RHOJ: variants seen among roughly 807,000 people sequenced by gnomAD.
RHOJ encodes the protein ras homolog family member J, also known as rho-related GTP-binding protein RhoJ.
A neutral mutation model predicts 23.4 loss-of-function variants in RHOJ; 11 were observed. That is an observed-to-expected ratio of 0.47 (90% confidence interval 0.30 to 0.78). The LOEUF is 0.78. Ranked by LOEUF, RHOJ falls within the 30% of genes least tolerant of loss-of-function variation. The pLI is 0.08. For synonymous variants in RHOJ, 102 were observed against 102.7 expected (o/e 0.99, Z 0.04); for missense variants, 254 against 273.4 (o/e 0.93, Z 0.50).
chr14:63,241,591 A>G (rs1393016175), intron 1 of RHOJ, among the ~76,000 whole-genome samples: 1 of 152,152 alleles, frequency 6.6e-6, no homozygotes. Flanking sequence ...CTTGCAGATG[A>G]CAGGAACATC....
intron 1 of RHOJ, among the ~76,000 whole-genome samples, chr14:63,224,851 C>G (rs899255196): frequency 1.3e-5 from 2 of 152,148 alleles, no homozygotes; most frequent in Admixed American, 6.5e-5. Context: ...CCCAGCCCCT[C>G]GACCCCATCT....
chr14:63,206,932 A>G lies in RHOJ; in HGVS notation c.178+1885A>G, dbSNP rs184455439. On this transcript the variant is annotated intron_variant, in intron 1 of 4. Coordinates refer to ENST00000316754, the MANE Select transcript of RHOJ (RefSeq NM_020663.5). ...GTACACTTTGTACCTCTTTAAGTAT[A>G]TAATCGTCTCATGTGGTTTCAGTAA... Among the ~76,000 whole-genome samples, 74 of 152,350 alleles carry G rather than the reference A, an allele frequency of 4.9e-4. 1 individual carries two copies. In the East Asian group the frequency reaches 5.0e-3, roughly 10 times the overall value.
In RHOJ at chr14:63,291,795, A is replaced by AT. The variant is rs1882262881; in HGVS notation, c.*778dup. ...TCTATAGATGCTTAGTAGTGGCCTG[A>AT]TTTTTTTCCATGTATTGCCACGACA... On this transcript the variant is annotated 3_prime_UTR_variant, in exon 5 of 5. Transcript: ENST00000316754. 1 of 152,672 alleles carries AT rather than the reference A, an allele frequency of 6.5e-6. No homozygotes were observed. Among genetic ancestry groups the AT allele is most frequent in the Non-Finnish European group, 1.5e-5 (1 of 68,102 alleles). The allele number at this position is 152,672 out of a possible 1,614,324, so 9.5% of individuals were successfully genotyped here. A position where few individuals can be genotyped will look rare whatever the true frequency, so the allele number is the denominator to read the frequency against.
chr14:63,231,923 C>T (rs1894702892), intron 1 of RHOJ, among the ~76,000 whole-genome samples: 2 of 152,166 alleles, frequency 1.3e-5, no homozygotes, highest in Admixed American at 1.3e-4. Context: ...TGTCCACAAA[C>T]AAAACCAGTG....
chr14:63,230,752 A>C (rs1894677368), intron 1 of RHOJ, among the ~76,000 whole-genome samples: 1 of 151,876 alleles, frequency 6.6e-6, no homozygotes, highest in Non-Finnish European at 1.5e-5. Context: ...CTATTAAGAA[A>C]AGGGTGCCAT....
At chr14:63,230,578 G>A (rs981035827) in intron 1 of RHOJ, among the ~76,000 whole-genome samples, 1 of 151,894 alleles carries the variant, frequency 6.6e-6, no homozygotes. Context: ...CAAATGTCAC[G>A]TTAGCAGCAA....
intron 1 of RHOJ, among the ~76,000 whole-genome samples, chr14:63,221,987 A>C (rs1270737931): frequency 2.9e-5 from 3 of 103,278 alleles, no homozygotes; most frequent in Non-Finnish European, 1.8e-5. Flanking sequence ...CCCCACCCAA[A>C]AACAGGCCCC....
At chr14:63,244,521 T>C (rs1894941795) in intron 1 of RHOJ, among the ~76,000 whole-genome samples, 1 of 152,012 alleles carries the variant, frequency 6.6e-6, no homozygotes, top group South Asian at 2.1e-4. Flanking sequence ...AAGGTTGTGG[T>C]GAGCCGAGAT....
At chr14:63,211,338 A>G (rs956125612) in intron 1 of RHOJ, among the ~76,000 whole-genome samples, 2 of 152,188 alleles carry the variant, frequency 1.3e-5, no homozygotes, top group South Asian at 4.1e-4. Context: ...AGTCTCTCAT[A>G]TCTGTAATCC....
chr14:63,270,615 T>A (rs1017872047), intron 2 of RHOJ, among the ~76,000 whole-genome samples: 1 of 152,346 alleles, frequency 6.6e-6, no homozygotes. Flanking sequence ...TACACCACTT[T>A]GGAGGCCAAA....
At chr14:63,224,752 T>C (rs950047208) in intron 1 of RHOJ, among the ~76,000 whole-genome samples, 1 of 152,234 alleles carries the variant, frequency 6.6e-6, no homozygotes, top group Admixed American at 6.5e-5. Context: ...ATTTTGTTTG[T>C]TTCTTTCCTG....
intron 1 of RHOJ, among the ~76,000 whole-genome samples, chr14:63,221,896 C>T (rs1594754304): frequency 6.6e-6 from 1 of 151,998 alleles, no homozygotes; most frequent in Non-Finnish European, 1.5e-5. Context: ...CATATGTATA[C>T]ATGTGCCATG....
intron 1 of RHOJ, among the ~76,000 whole-genome samples, chr14:63,262,213 G>A (rs183160960): frequency 8.5e-5 from 13 of 152,308 alleles, no homozygotes; most frequent in Non-Finnish European, 2.9e-5. Context: ...GGGCATGAAC[G>A]ACACTTCCTC....
chr14:63,208,918 G>T (rs973099053), intron 1 of RHOJ, among the ~76,000 whole-genome samples: 2 of 151,956 alleles, frequency 1.3e-5, no homozygotes, highest in Non-Finnish European at 2.9e-5. Context: ...ACTTCCCCAA[G>T]CTACTCTTCC....
Position 63,232,694 on chromosome 14 carries a change from C to CTT in RHOJ, c.178+27666_178+27667dup, listed in dbSNP as rs373918863. ...TCCATTTAAAGTCTTTTTTTCTTGC[C>CTT]TTTTTTTTTTTTTTTTTTTTGAGAC... is the stretch of plus-strand genomic sequence containing the variant. On this transcript the variant is annotated intron_variant, in intron 1 of 4. Transcript: ENST00000316754. Among the ~76,000 whole-genome samples the CTT allele has an allele frequency of 1.6e-3, 183 of 115,632 alleles. 1 individual carries two copies. Among genetic ancestry groups the CTT allele is most frequent in the Non-Finnish European group, 1.9e-3 (103 of 55,278 alleles). 75.9% of individuals were successfully genotyped at this position (115,632 alleles called of 152,430 possible). A position where few individuals can be genotyped will look rare whatever the true frequency, so the allele number is the denominator to read the frequency against.
intron 1 of RHOJ, among the ~76,000 whole-genome samples, chr14:63,218,648 G>T (rs993733095): frequency 6.6e-6 from 1 of 152,110 alleles, no homozygotes; most frequent in Non-Finnish European, 1.5e-5. Context: ...ATCCTATTTA[G>T]CAACCTCACC....
At chr14:63,265,123 TTTCCTAGG>T in intron 1 of RHOJ, among the ~76,000 whole-genome samples, 1 of 152,336 alleles carries the variant, frequency 6.6e-6, no homozygotes, top group Middle Eastern at 3.4e-3. Context: ...CAAAATGGTG[TTTCCTAGG>T]TTTTATTCTA....
rs2139674159 is a variant in RHOJ at position 63,293,452 on chromosome 14, G to T, written c.*2428G>T. 6.6e-6 allele frequency among the ~76,000 whole-genome samples: 1 copy of T among 152,302 alleles called. No individual in the cohort carries two copies. Among genetic ancestry groups the T allele is most frequent in the East Asian group, 1.9e-4 (1 of 5,186 alleles). ...AGACTGTTGTTAGTGTCTGGGTAGA[G>T]CACAGGCTCCCAGGGGTCTTAAGAG... On this transcript the variant is annotated 3_prime_UTR_variant, in exon 5 of 5. Transcript: ENST00000316754.
rs10133055 is a variant in RHOJ, at chr14:63,211,131, G to A, written c.178+6084G>A. On this transcript the variant is annotated intron_variant, in intron 1 of 4. Coordinates refer to ENST00000316754, the MANE Select transcript of RHOJ (RefSeq NM_020663.5). ...TTAGTTAAATGGTGATCAGCCCAAG[G>A]TAGACAGTCATAACCTTAATGGCCA... Among the ~76,000 whole-genome samples, 1,283 of 152,240 alleles carry A rather than the reference G, an allele frequency of 8.4e-3. 13 individuals carry two copies. The highest frequency in any genetic ancestry group is 0.029 in the African/African-American group (1,211 of 41,530).
Sources: allele counts gnomAD v4.1 joint callset (sites outside exome capture counted in the v4.1 genomes callset), GRCh38; gene constraint gnomAD v4.1.1; transcripts MANE v1.5; gene names NCBI Gene and HGNC (gene_info 2026-07-23, HGNC 2026-07-21).